The following NCOA3 variants were observed in gnomAD, a reference collection of about 807,000 sequenced individuals.
NCOA3 encodes the protein nuclear receptor coactivator 3, also known as CBP-interacting protein.
In NCOA3, 51 loss-of-function variants were observed where a neutral mutation model predicts 158.8. The ratio of observed to expected loss-of-function variants is 0.32; its 90% CI spans 0.26 to 0.41. NCOA3 has a LOEUF of 0.41. Ranked by LOEUF, NCOA3 falls within the 10% of genes least tolerant of loss-of-function variation. The pLI is 1.00. For synonymous variants in NCOA3, 537 were observed against 592.4 expected (o/e 0.91, Z 1.36); for missense variants, 1,510 against 1,746.6 (o/e 0.86, Z 2.41).
chr20:47,569,360 G>T (rs1008454300), intron 1 of NCOA3, among the ~76,000 whole-genome samples: 2 of 150,328 alleles, frequency 1.3e-5, no homozygotes, highest in African/African-American at 4.9e-5. Flanking sequence ...ACCCCATACC[G>T]TCCCCCAATA....
chr20:47,517,448 TTTC>T (rs2084252661), intron 1 of NCOA3, among the ~76,000 whole-genome samples: 1 of 144,624 alleles, frequency 6.9e-6, no homozygotes, highest in Non-Finnish European at 1.5e-5. Context: ...CTTTTTTCTT[TTTC>T]TTTTTTTTTT....
chr20:47,607,856 T>A (rs1279747639), intron 2 of NCOA3, among the ~76,000 whole-genome samples: 1 of 152,210 alleles, frequency 6.6e-6, no homozygotes, highest in Non-Finnish European at 1.5e-5. Context: ...TAAATCAAGA[T>A]AACATTGCAC....
chr20:47,515,171 T>A (rs574125592), intron 1 of NCOA3, among the ~76,000 whole-genome samples: 16 of 150,686 alleles, frequency 1.1e-4, no homozygotes, highest in South Asian at 2.1e-4. Flanking sequence ...TTAAAAAAAA[T>A]TTTTTTTTTT....
chr20:47,624,719 G>C (rs1381007966), intron 4 of NCOA3, among the ~76,000 whole-genome samples: 1 of 152,130 alleles, frequency 6.6e-6, no homozygotes, highest in Non-Finnish European at 1.5e-5. Flanking sequence ...ACTGATGGAG[G>C]CTAGCAAGTA....
intron 3 of NCOA3, 105 bp downstream of exon 3, chr20:47,622,435 G>A: frequency 1.3e-6 from 1 of 751,492 alleles, no homozygotes; most frequent in Non-Finnish European, 2.1e-6. Flanking sequence ...ATTTTTTGGT[G>A]GTTTCACTTC....
chr20:47,652,341 GA>G, intron 20 of NCOA3, 64 bp from the exon 21 acceptor site: 1 of 1,419,582 alleles, frequency 7.0e-7, no homozygotes, highest in African/African-American at 1.4e-5. Context: ...AATTACTACA[GA>G]AATCTGATAT....
At chr20:47,519,251 A>G (rs907739709) in intron 1 of NCOA3, among the ~76,000 whole-genome samples, 4 of 151,934 alleles carry the variant, frequency 2.6e-5, no homozygotes, top group Admixed American at 6.6e-5. Flanking sequence ...CCTGGCTAAC[A>G]TGGTGAAATG....
At chr20:47,591,112 GACAAAAA>G (rs1433485376) in intron 2 of NCOA3, among the ~76,000 whole-genome samples, 3 of 151,890 alleles carry the variant, frequency 2.0e-5, no homozygotes, top group East Asian at 1.9e-4. Context: ...TGTGTCTCAA[GACAAAAA>G]ACAAAAGACA....
chr20:47,561,930 C>T (rs6094737), intron 1 of NCOA3, among the ~76,000 whole-genome samples: 5 of 152,158 alleles, frequency 3.3e-5, no homozygotes, highest in South Asian at 2.1e-4. Flanking sequence ...CCTCCTTCCC[C>T]GTAATCTCAG....
chr20:47,591,478 C>T (rs1239278093), intron 2 of NCOA3, among the ~76,000 whole-genome samples: 2 of 148,594 alleles, frequency 1.3e-5, no homozygotes, highest in African/African-American at 5.3e-5. Flanking sequence ...GAAGCCATCA[C>T]CCATTTGACA....
chr20:47,652,512 G>A lies in NCOA3; in HGVS notation c.4053G>A (p.Pro1351=), dbSNP rs376993101. ...GPSQNPMMQH[P]QAASIYQSSE... is the part of the protein sequence containing the mutation. The stretch of plus-strand genomic sequence containing the variant: ...CCCAGAATCCCATGATGCAACACCC[G>A]CAGGCTGCATCCATCTATCAGTCCT... Residue 1351 remains proline, a synonymous_variant, in exon 21 of 23, where the codon CCG becomes CCA. Coordinates refer to ENST00000371998, the MANE Select transcript of NCOA3 (RefSeq NM_181659.3). The A allele has an allele frequency of 1.9e-4, 303 of 1,613,956 alleles. 2 individuals carry two copies. The highest frequency in any genetic ancestry group is 1.3e-3 in the South Asian group (118 of 91,078).
At position 47,529,390 on chromosome 20, in the gene NCOA3, A is replaced by T. The variant is rs1425170993; in HGVS notation, c.-99+27371A>T. Among the ~76,000 whole-genome samples, 4 of 151,426 alleles carry T rather than the reference A, an allele frequency of 2.6e-5. No individual in the cohort carries two copies. In the East Asian group the frequency reaches 7.8e-4, roughly 29 times the overall value. On this transcript the variant is annotated intron_variant, in intron 1 of 22. Transcript: ENST00000371998. The stretch of plus-strand genomic sequence containing the variant: ...CACCTTGGCCTCCCAACGTGCTAGG[A>T]TTACAGGCATGAGCCGCCGTGCCCA...
intron 2 of NCOA3, among the ~76,000 whole-genome samples, chr20:47,620,966 C>T (rs981510948): frequency 1.3e-5 from 2 of 152,172 alleles, no homozygotes; most frequent in Non-Finnish European, 2.9e-5. Context: ...TACAATACCC[C>T]TGAGATTGTG....
chr20:47,615,206 A>G (rs2086112646), intron 2 of NCOA3, among the ~76,000 whole-genome samples: 1 of 152,236 alleles, frequency 6.6e-6, no homozygotes, highest in Non-Finnish European at 1.5e-5. Flanking sequence ...TGAGATGTCT[A>G]GTATTGTACT....
chr20:47,526,779 AGAGAGGG>A (rs1388907375), intron 1 of NCOA3, among the ~76,000 whole-genome samples: 3 of 151,896 alleles, frequency 2.0e-5, no homozygotes, highest in East Asian at 1.9e-4. Context: ...GACCATGGGG[AGAGAGGG>A]GAGAGGGGAG....
At position 47,525,584 on chromosome 20, in the gene NCOA3, C is replaced by T. The variant is rs1409730045; in HGVS notation, c.-99+23565C>T. Among the ~76,000 whole-genome samples the T allele has an allele frequency of 7.9e-5, 11 of 140,076 alleles. 1 individual carries two copies. Among genetic ancestry groups the T allele is most frequent in the African/African-American group, 3.0e-4 (11 of 36,172 alleles). 91.9% of individuals were successfully genotyped at this position (140,076 alleles called of 152,430 possible). A position where few individuals can be genotyped will look rare whatever the true frequency, so the allele number is the denominator to read the frequency against. ...GGGGCTGACCCCCCCCACCTCCCTC[C>T]TGGACGGGGCGGCTGGCCGGGCGGG... On this transcript the variant is annotated intron_variant, in intron 1 of 22. Transcript: ENST00000371998.
In NCOA3 at chr20:47,655,429, A is replaced by G. The variant is rs962666812; in HGVS notation, c.*2012A>G. 5 of 152,290 alleles carry G rather than the reference A, an allele frequency of 3.3e-5. No individual in the cohort carries two copies. The highest frequency in any genetic ancestry group is 3.3e-4 in the Admixed American group (5 of 15,278). 9.4% of individuals were successfully genotyped at this position (152,290 alleles called of 1,614,324 possible). A position where few individuals can be genotyped will look rare whatever the true frequency, so the allele number is the denominator to read the frequency against. ...TCTAGATGTCTCTGAAGGTAAGATC[A>G]TTTAATATCTTTGATATGCTTACGA... On this transcript the variant is annotated 3_prime_UTR_variant, in exon 23 of 23. Transcript: ENST00000371998.
chr20:47,622,851 G>A (rs2086264075), intron 3 of NCOA3: 2 of 152,288 alleles, frequency 1.3e-5, no homozygotes, highest in African/African-American at 4.8e-5. Context: ...CCTTCTTAAG[G>A]GTGGGGGAGA....
Position 47,633,523 on chromosome 20 carries a change from C to T in NCOA3, c.851C>T (p.Ser284Leu). The T allele has an allele frequency of 6.2e-7, 1 of 1,612,184 alleles. No individual in the cohort carries two copies. Among genetic ancestry groups the T allele is most frequent in the Non-Finnish European group, 8.5e-7 (1 of 1,179,214 alleles). ...AAGGTTGTCAATATAGATACAAATT[C>T]ACTGAGATCCTCCATGAGGCCTGGC... ...SGKVVNIDTNSLRSSMRPGFE... is the reference protein window; with the variant it reads ...SGKVVNIDTNLLRSSMRPGFE... Residue 284 changes from serine (S) to leucine (L), a missense_variant, in exon 9 of 23, where the codon TCA (serine) becomes TTA (leucine). By Grantham distance (145) the Ser-to-Leu change is moderately radical (BLOSUM62 -2). Transcript: ENST00000371998.
Sources: allele counts gnomAD v4.1 joint callset (sites outside exome capture counted in the v4.1 genomes callset), GRCh38; gene constraint gnomAD v4.1.1; transcripts MANE v1.5; gene names NCBI Gene and HGNC (gene_info 2026-07-23, HGNC 2026-07-21).